Variants in RYR2 observed in about 807,000 individuals in gnomAD.
RYR2 encodes the protein ryanodine receptor 2, also known as cardiac muscle ryanodine receptor-calcium release channel.
In RYR2, 227 loss-of-function variants were observed where a neutral mutation model predicts 601.1. The ratio of observed to expected loss-of-function variants is 0.38; its 90% CI spans 0.34 to 0.42. RYR2 has a LOEUF of 0.42. Among genes scored for constraint, RYR2 ranks in the 10% least tolerant of loss-of-function variants. RYR2 has a pLI of 1.00. For missense variants in RYR2, 4,646 were observed against 6,156.5 expected, an observed-to-expected ratio of 0.75 and a Z score of 8.21; for synonymous variants, 2,223 against 2,175.1, an observed-to-expected ratio of 1.02 and a Z score of -0.61.
At chr1:237,381,604 C>T (rs868448841) in intron 8 of RYR2, among the ~76,000 whole-genome samples, 4 of 152,142 alleles carry the variant, frequency 2.6e-5, no homozygotes, top group African/African-American at 4.8e-5. Flanking sequence ...GCATGGGGTA[C>T]ACTAATACAA....
rs1274284153 is a variant in RYR2, at chr1:237,594,909, T to G, written c.4437-589T>G. 7.1e-4 allele frequency among the ~76,000 whole-genome samples: 82 copies of G among 114,778 alleles called. 2 individuals are homozygous for G. The highest frequency in any genetic ancestry group is 4.4e-3 in the Middle Eastern group (1 of 226). 75.3% of individuals were successfully genotyped at this position (114,778 alleles called of 152,430 possible). A position where few individuals can be genotyped will look rare whatever the true frequency, so the allele number is the denominator to read the frequency against. ...GGGTTTTTTTTTTTTTTTTTTTTTT[T>G]TTTTTTTTTTTTTTTTTTTTTTGCA... On this transcript the variant is annotated intron_variant, in intron 33 of 104. Coordinates refer to ENST00000366574, the MANE Select transcript of RYR2 (RefSeq NM_001035.3).
intron 1 of RYR2, among the ~76,000 whole-genome samples, chr1:237,206,636 G>A (rs1185807529): frequency 1.3e-5 from 2 of 152,126 alleles, no homozygotes; most frequent in Admixed American, 6.5e-5. Context: ...TAATTTAAAT[G>A]TTAAATAATA....
At chr1:237,314,413 C>T (rs572418142) in intron 2 of RYR2, among the ~76,000 whole-genome samples, 1 of 152,152 alleles carries the variant, frequency 6.6e-6, no homozygotes, top group South Asian at 2.1e-4. Flanking sequence ...AATTAGGCAG[C>T]CTTGAAAATA....
Position 237,778,747 on chromosome 1 carries a change from C to T in RYR2, c.11857C>T (p.His3953Tyr). 1 of 1,606,240 alleles carries T rather than the reference C, an allele frequency of 6.2e-7. No homozygotes were observed. Among genetic ancestry groups the T allele is most frequent in the South Asian group, 1.1e-5 (1 of 90,814 alleles). ...GGTCGGCTTTCTTCATGTGTTTGCC[C>T]ATATGCAGATGAAGCTGTCGCAGGT... is the stretch of plus-strand genomic sequence containing the variant. Reference protein sequence around the residue: ...AVVGFLHVFAHMQMKLSQDSS... With the variant: ...AVVGFLHVFAYMQMKLSQDSS... Residue 3953 changes from histidine to tyrosine, a missense_variant, in exon 88 of 105, where the codon CAT becomes TAT. His to Tyr is a moderately conservative substitution (Grantham distance 83). Coordinates refer to ENST00000366574, the MANE Select transcript of RYR2 (RefSeq NM_001035.3).
chr1:237,118,831 T>C (rs1363067264), intron 1 of RYR2, among the ~76,000 whole-genome samples: 2 of 152,146 alleles, frequency 1.3e-5, no homozygotes, highest in Admixed American at 6.5e-5. Flanking sequence ...AACAATATTT[T>C]AACAATATTA....
At chr1:237,396,370 C>T (rs538968487) in intron 10 of RYR2, among the ~76,000 whole-genome samples, 115 of 152,222 alleles carry the variant, frequency 7.6e-4, no homozygotes, top group South Asian at 5.6e-3. Flanking sequence ...GGAATCTGAA[C>T]GTTGATAACA....
chr1:237,761,805 T>A, intron 84 of RYR2, among the ~76,000 whole-genome samples: 1 of 152,198 alleles, frequency 6.6e-6, no homozygotes, highest in East Asian at 1.9e-4. Context: ...CCCGTATGTT[T>A]ATCTGTTTTT....
intron 12 of RYR2, among the ~76,000 whole-genome samples, chr1:237,432,540 T>G (rs187538552): frequency 3.8e-4 from 58 of 152,272 alleles, no homozygotes; most frequent in African/African-American, 1.4e-3. Context: ...ACATTTTTTA[T>G]GCCCACTTCC....
chr1:237,186,656 T>C (rs1355297820), intron 1 of RYR2, among the ~76,000 whole-genome samples: 1 of 152,178 alleles, frequency 6.6e-6, no homozygotes, highest in Non-Finnish European at 1.5e-5. Context: ...CAAGACCCAC[T>C]TGCATAAGAG....
chr1:237,448,464 G>A (rs1425775633), intron 14 of RYR2, among the ~76,000 whole-genome samples: 5 of 152,140 alleles, frequency 3.3e-5, no homozygotes, highest in African/African-American at 1.2e-4. Flanking sequence ...TGAAAAGAAT[G>A]TGCATTCTCC....
intron 1 of RYR2, among the ~76,000 whole-genome samples, chr1:237,262,576 G>C (rs1688650023): frequency 6.6e-6 from 1 of 152,058 alleles, no homozygotes; most frequent in Admixed American, 6.6e-5. Context: ...ATAGTCACAG[G>C]AAATACAGAA....
chr1:237,142,678 A>G (rs1482168882), intron 1 of RYR2, among the ~76,000 whole-genome samples: 1 of 152,080 alleles, frequency 6.6e-6, no homozygotes, highest in Non-Finnish European at 1.5e-5. Context: ...CATGTCATAG[A>G]CTTTGATCTC....
chr1:237,195,922 T>A (rs1033901527), intron 1 of RYR2, among the ~76,000 whole-genome samples: 1 of 152,200 alleles, frequency 6.6e-6, no homozygotes, highest in African/African-American at 2.4e-5. Flanking sequence ...ACAAAAACAA[T>A]TATATGAGAA....
At position 237,614,973 on chromosome 1, in the gene RYR2, A is replaced by G. The variant is rs1678308426; in HGVS notation, c.5715+130A>G. ...TCCTGTGTAATGGTAGTTCTTCATA[A>G]AATTAACTAACTTCCTATTCTTTTC... is the stretch of plus-strand genomic sequence containing the variant. On this transcript the variant is annotated intron_variant, in intron 37 of 104. Coordinates refer to ENST00000366574, the MANE Select transcript of RYR2 (RefSeq NM_001035.3). This position sits in a 1 kb window ranked among gnomAD's most constrained non-coding sequence, Gnocchi z 4.3. 2 of 926,814 alleles carry G rather than the reference A, an allele frequency of 2.2e-6. No individual in the cohort carries two copies. Among genetic ancestry groups the G allele is most frequent in the Non-Finnish European group, 3.1e-6 (2 of 637,660 alleles). 57.4% of individuals were successfully genotyped at this position (926,814 alleles called of 1,614,324 possible).
chr1:237,303,150 C>T (rs150449587), intron 2 of RYR2, among the ~76,000 whole-genome samples: 187 of 152,264 alleles, frequency 1.2e-3, no homozygotes, highest in African/African-American at 4.3e-3. Flanking sequence ...CATTTATACA[C>T]GTGGTCACAA....
At chr1:237,726,847 TACTA>T (rs763733400) in intron 75 of RYR2, among the ~76,000 whole-genome samples, 10 of 152,200 alleles carry the variant, frequency 6.6e-5, no homozygotes, top group Admixed American at 2.0e-4. Flanking sequence ...GTGATATTCT[TACTA>T]AGGGAATTAT....
chr1:237,803,547 G>A lies in RYR2; in HGVS notation c.14151+1631G>A, dbSNP rs573072817. Among the ~76,000 whole-genome samples the A allele has an allele frequency of 2.8e-4, 43 of 152,170 alleles. No homozygotes were observed. In the South Asian group the frequency reaches 4.2e-3, roughly 15 times the overall value. ...GATCTCCTGACCTCGTGAACCGACC[G>A]CCTTGGCCTCCCAAAGTACTGGGAT... is the stretch of plus-strand genomic sequence containing the variant. On this transcript the variant is annotated intron_variant, in intron 98 of 104. Coordinates refer to ENST00000366574, the MANE Select transcript of RYR2 (RefSeq NM_001035.3).
intron 84 of RYR2, among the ~76,000 whole-genome samples, chr1:237,765,081 G>C (rs1014710707): frequency 1.3e-5 from 2 of 150,702 alleles, no homozygotes; most frequent in Non-Finnish European, 3.0e-5. Flanking sequence ...GTGTTAGTTT[G>C]TAATATGCTC....
chr1:237,288,247 T>G (rs893679613), intron 2 of RYR2, among the ~76,000 whole-genome samples: 1 of 152,304 alleles, frequency 6.6e-6, no homozygotes, highest in Middle Eastern at 3.4e-3. Flanking sequence ...ATAAGGGTTC[T>G]TTGCTTTGGT....
Sources: allele counts gnomAD v4.1 joint callset (sites outside exome capture counted in the v4.1 genomes callset), GRCh38; gene constraint gnomAD v4.1.1; non-coding constraint Gnocchi (gnomAD v3.1); transcripts MANE v1.5; gene names NCBI Gene and HGNC (gene_info 2026-07-23, HGNC 2026-07-21).